VWC2: variants seen among roughly 807,000 people sequenced by gnomAD.
VWC2 encodes the protein brorin.
A neutral mutation model predicts 29.8 loss-of-function variants in VWC2; 14 were observed. The observed-to-expected ratio is 0.47, with a 90% confidence interval of 0.31 to 0.74. The LOEUF (loss-of-function observed/expected upper bound fraction) is 0.74, where lower values mean the gene tolerates loss of function less well. Among genes scored for constraint, VWC2 ranks in the 30% least tolerant of loss-of-function variants. The pLI is 0.05. For missense variants in VWC2, 457 were observed against 459.8 expected (o/e 0.99, Z 0.05); for synonymous variants, 213 against 199.0 (o/e 1.07, Z -0.59).
At chr7:49,883,870 C>A (rs548916233) in intron 3 of VWC2, among the ~76,000 whole-genome samples, 1 of 152,162 alleles carries the variant, frequency 6.6e-6, no homozygotes, top group Non-Finnish European at 1.5e-5. Flanking sequence ...ATAAAGAAAA[C>A]AAGTATTCAA....
At chr7:49,872,345 A>C (rs1791193594) in intron 3 of VWC2, among the ~76,000 whole-genome samples, 1 of 152,118 alleles carries the variant, frequency 6.6e-6, no homozygotes, top group African/African-American at 2.4e-5. Context: ...GTCAAGTTAG[A>C]TGTGCCGGGA....
chr7:49,828,008 G>A (rs1398042262), intron 3 of VWC2, among the ~76,000 whole-genome samples: 1 of 152,104 alleles, frequency 6.6e-6, no homozygotes. Context: ...GTGCCCTCAT[G>A]CACATTACCA....
intron 3 of VWC2, among the ~76,000 whole-genome samples, chr7:49,878,159 T>G (rs550222729): frequency 6.6e-6 from 1 of 152,246 alleles, no homozygotes; most frequent in South Asian, 2.1e-4. Context: ...CACTCAGGCT[T>G]CAGATCACCT....
In VWC2 at chr7:49,855,599, T is replaced by C. The variant is rs1790384303; in HGVS notation, c.826+52759T>C. On this transcript the variant is annotated intron_variant, in intron 3 of 3. Coordinates refer to ENST00000340652, the MANE Select transcript of VWC2 (RefSeq NM_198570.5). ...AAGCATTAGGTAGGTAGCGTCCCTTTAAGTCAGGACAGGTTTCTTGATCTG... is the reference window on the plus strand; with the variant it reads ...AAGCATTAGGTAGGTAGCGTCCCTTCAAGTCAGGACAGGTTTCTTGATCTG... Among the ~76,000 whole-genome samples, 3 of 152,326 alleles carry C rather than the reference T, an allele frequency of 2.0e-5. No homozygotes were observed. The South Asian group carries it at 6.2e-4, about 32-fold the overall frequency.
chr7:49,808,095 A>G (rs1262486617), intron 3 of VWC2, among the ~76,000 whole-genome samples: 3 of 152,068 alleles, frequency 2.0e-5, no homozygotes, highest in Non-Finnish European at 4.4e-5. Context: ...TGGTGCATAT[A>G]TGAGAGAAAA....
rs190375784 is a variant in VWC2 at position 49,786,872 on chromosome 7, G to A, written c.696+10741G>A. Among the ~76,000 whole-genome samples the A allele has an allele frequency of 1.8e-4, 27 of 152,234 alleles. No homozygotes were observed. The East Asian group carries it at 5.0e-3, about 28-fold the overall frequency. The stretch of plus-strand genomic sequence containing the variant: ...TGATTTGTTTAAATTTCTTATAGAT[G>A]GTGGACCTTTGTTGGATGCATAGTT... On this transcript the variant is annotated intron_variant, in intron 2 of 3. Transcript: ENST00000340652.
chr7:49,847,898 C>T (rs1253870748), intron 3 of VWC2, among the ~76,000 whole-genome samples: 7 of 152,124 alleles, frequency 4.6e-5, no homozygotes, highest in Non-Finnish European at 8.8e-5. Context: ...AAAGTGCACT[C>T]ACAGGTGAGT....
At position 49,918,195 on chromosome 7, in the gene VWC2, T is replaced by C. The variant is rs1344383166; in HGVS notation, c.*6010T>C. 6.6e-6 allele frequency: 1 copy of C among 152,168 alleles called. No individual in the cohort carries two copies. Among genetic ancestry groups the C allele is most frequent in the Non-Finnish European group, 1.5e-5 (1 of 68,018 alleles). 9.4% of individuals were successfully genotyped at this position (152,168 alleles called of 1,614,324 possible). A position where few individuals can be genotyped will look rare whatever the true frequency, so the allele number is the denominator to read the frequency against. On this transcript the variant is annotated 3_prime_UTR_variant, in exon 4 of 4. Transcript: ENST00000340652. ...CCCCTTTGTTGCAGAAAAGTAAATA[T>C]AGGCTCAGGGAAATTTAAAAACTGC...
rs964232601 is a variant in VWC2, at chr7:49,918,169, T to C, written c.*5984T>C. On this transcript the variant is annotated 3_prime_UTR_variant, in exon 4 of 4. Transcript: ENST00000340652. ...TTCTCCCAAATTGTGGGTAATGCTA[T>C]CCCCTTTGTTGCAGAAAAGTAAATA... 4 of 152,192 alleles carry C rather than the reference T, an allele frequency of 2.6e-5. No individual in the cohort carries two copies. The highest frequency in any genetic ancestry group is 9.6e-5 in the African/African-American group (4 of 41,452). The allele number at this position is 152,192 out of a possible 1,614,324, so 9.4% of individuals were successfully genotyped here.
rs1794008447 is a variant in VWC2 at position 49,921,378 on chromosome 7, C to T, written c.*9193C>T. 1 of 152,212 alleles carries T rather than the reference C, an allele frequency of 6.6e-6. No individual in the cohort carries two copies. 9.4% of individuals were successfully genotyped at this position (152,212 alleles called of 1,614,324 possible). A position where few individuals can be genotyped will look rare whatever the true frequency, so the allele number is the denominator to read the frequency against. On this transcript the variant is annotated 3_prime_UTR_variant, in exon 4 of 4. Coordinates refer to ENST00000340652, the MANE Select transcript of VWC2 (RefSeq NM_198570.5). ...AACAAAGGCCAGAGCATCCTTTTAA[C>T]ATTTATATCATAAGTATTCTCAATA...
At chr7:49,853,754 G>A (rs1790294674) in intron 3 of VWC2, among the ~76,000 whole-genome samples, 1 of 151,992 alleles carries the variant, frequency 6.6e-6, no homozygotes. Flanking sequence ...TAGGGTACAT[G>A]TGCACAACGT....
At chr7:49,804,771 T>C (rs1788834648) in intron 3 of VWC2, among the ~76,000 whole-genome samples, 1 of 152,212 alleles carries the variant, frequency 6.6e-6, no homozygotes, top group Non-Finnish European at 1.5e-5. Context: ...GTCTCTTTCT[T>C]TGGCCCTCTG....
intron 3 of VWC2, among the ~76,000 whole-genome samples, chr7:49,857,940 G>A (rs896545141): frequency 2.0e-5 from 3 of 152,318 alleles, no homozygotes; most frequent in Non-Finnish European, 4.4e-5. Context: ...TGATACATCA[G>A]AGATGAGACC....
At chr7:49,863,275 A>T (rs1185670246) in intron 3 of VWC2, among the ~76,000 whole-genome samples, 1 of 152,120 alleles carries the variant, frequency 6.6e-6, no homozygotes, top group East Asian at 1.9e-4. Flanking sequence ...AATCCTTTAC[A>T]ATCCTTTCTA....
intron 3 of VWC2, among the ~76,000 whole-genome samples, chr7:49,860,056 G>A (rs1464797093): frequency 1.3e-5 from 2 of 151,800 alleles, no homozygotes; most frequent in African/African-American, 4.8e-5. Flanking sequence ...TTTATCCATA[G>A]TTGTATGCCA....
At chr7:49,859,610 C>A (rs1374786530) in intron 3 of VWC2, among the ~76,000 whole-genome samples, 1 of 152,220 alleles carries the variant, frequency 6.6e-6, no homozygotes, top group African/African-American at 2.4e-5. Context: ...GCTTTCCATT[C>A]TGTTACACAG....
At chr7:49,785,263 A>G (rs1788269590) in intron 2 of VWC2, among the ~76,000 whole-genome samples, 1 of 152,234 alleles carries the variant, frequency 6.6e-6, no homozygotes, top group African/African-American at 2.4e-5. Context: ...AGACATATAG[A>G]TGGAACACAG....
chr7:49,892,551 G>T (rs1303954221), intron 3 of VWC2, among the ~76,000 whole-genome samples: 2 of 152,178 alleles, frequency 1.3e-5, no homozygotes, highest in African/African-American at 4.8e-5. Flanking sequence ...AGGCACATGA[G>T]GGGGCTTCCC....
intron 3 of VWC2, among the ~76,000 whole-genome samples, chr7:49,844,410 C>T (rs1476667864): frequency 6.6e-6 from 1 of 152,224 alleles, no homozygotes; most frequent in African/African-American, 2.4e-5. Context: ...TTTGCCCTGG[C>T]AGAGTTAGAT....
Sources: gnomAD v4.1 joint callset for allele counts (sites outside exome capture counted in the v4.1 genomes callset) on GRCh38, gnomAD v4.1.1 for gene constraint, MANE v1.5 for transcripts, NCBI Gene and HGNC (gene_info 2026-07-23, HGNC 2026-07-21) for gene names.